Variants in B4GALT6 observed in about 807,000 individuals in gnomAD.
B4GALT6 encodes the protein beta-1,4-galactosyltransferase 6.
Under a neutral mutation model 46.3 loss-of-function variants are expected in B4GALT6, and 14 were observed. The observed-to-expected ratio is 0.30, with a 90% CI of 0.20 to 0.47. The LOEUF (loss-of-function observed/expected upper bound fraction) is 0.47. B4GALT6 is among the 20% of genes least tolerant of loss of function. The pLI is 0.99. For synonymous variants in B4GALT6, 168 were observed against 162.0 expected (o/e 1.04, Z -0.28); for missense variants, 386 against 480.1 (o/e 0.80, Z 1.83).
chr18:31,698,840 G>C, the B4GALT6 span, among the ~76,000 whole-genome samples: 1 of 152,022 alleles, frequency 6.6e-6, no homozygotes, highest in Non-Finnish European at 1.5e-5. Context: ...GGAGGCCAAG[G>C]TGGGTGGATC....
At chr18:31,714,436 T>A in the B4GALT6 span, among the ~76,000 whole-genome samples, 21 of 152,120 alleles carry the variant, frequency 1.4e-4, no homozygotes, top group African/African-American at 5.1e-4. Context: ...TCCCACCTAC[T>A]CCCCTGGGGC....
chr18:31,644,452 T>TG (rs1422028837), intron 4 of B4GALT6, among the ~76,000 whole-genome samples: 4 of 151,172 alleles, frequency 2.6e-5, no homozygotes, highest in Admixed American at 6.6e-5. Context: ...TTTTTGGGGG[T>TG]GGGGGGAGGT....
chr18:31,643,509 G>A (rs936362745), intron 4 of B4GALT6, among the ~76,000 whole-genome samples: 11 of 152,010 alleles, frequency 7.2e-5, no homozygotes, highest in African/African-American at 2.7e-4. Flanking sequence ...ATGTTGGCCA[G>A]GCTGGTCTCA....
intron 3 of B4GALT6, among the ~76,000 whole-genome samples, chr18:31,654,094 A>G (rs1408285319): frequency 6.6e-6 from 1 of 152,254 alleles, no homozygotes; most frequent in Admixed American, 6.5e-5. Context: ...GTTAGCAACT[A>G]TAGAAACTAT....
the B4GALT6 span, among the ~76,000 whole-genome samples, chr18:31,691,596 C>T: frequency 4.6e-5 from 7 of 151,858 alleles, no homozygotes; most frequent in Non-Finnish European, 7.4e-5. Context: ...TATTTCTAGA[C>T]CATTTTCTAT....
intron 1 of B4GALT6, among the ~76,000 whole-genome samples, chr18:31,683,116 C>T (rs2074500075): frequency 6.6e-6 from 1 of 152,212 alleles, no homozygotes; most frequent in African/African-American, 2.4e-5. Context: ...ATACACCTCA[C>T]TGAATCCAAA....
upstream of B4GALT6, among the ~76,000 whole-genome samples, chr18:31,685,340 G>C (rs1307262199): frequency 6.6e-6 from 1 of 151,628 alleles, no homozygotes; most frequent in Non-Finnish European, 1.5e-5. Context: ...CAGAGGCCGA[G>C]CGCCGTCGGA....
chr18:31,635,109 T>C (rs2073841509), intron 5 of B4GALT6, among the ~76,000 whole-genome samples: 1 of 152,128 alleles, frequency 6.6e-6, no homozygotes, highest in African/African-American at 2.4e-5. Context: ...CACATGCCTG[T>C]AATCCCAGTT....
At chr18:31,682,977 G>GT (rs2074498372) in intron 1 of B4GALT6, among the ~76,000 whole-genome samples, 2 of 151,992 alleles carry the variant, frequency 1.3e-5, no homozygotes, top group Non-Finnish European at 2.9e-5. Flanking sequence ...GAGGTTTTTT[G>GT]TTTTTTCTGG....
At chr18:31,635,323 T>C (rs939937873) in intron 5 of B4GALT6, among the ~76,000 whole-genome samples, 2 of 151,198 alleles carry the variant, frequency 1.3e-5, no homozygotes, top group African/African-American at 2.4e-5. Context: ...CAAAGGAAAC[T>C]AGCACTTTCC....
the B4GALT6 span, among the ~76,000 whole-genome samples, chr18:31,710,827 C>CACACACACACACACACACA: frequency 1.2e-4 from 18 of 151,580 alleles, no homozygotes; most frequent in Non-Finnish European, 2.5e-4. Context: ...CACACACACA[C>CACACACACACACACACACA]ACACACACAC....
chr18:31,691,105 A>G, the B4GALT6 span, among the ~76,000 whole-genome samples: 1 of 152,120 alleles, frequency 6.6e-6, no homozygotes, highest in Admixed American at 6.5e-5. Context: ...ATGAATACCT[A>G]TGTATACCTG....
chr18:31,705,591 A>G, the B4GALT6 span, among the ~76,000 whole-genome samples: 1 of 152,270 alleles, frequency 6.6e-6, no homozygotes, highest in East Asian at 1.9e-4. Context: ...GCTTCGCCAC[A>G]TTGGCCAGGC....
At chr18:31,682,976 T>C (rs1465432071) in intron 1 of B4GALT6, among the ~76,000 whole-genome samples, 1 of 152,214 alleles carries the variant, frequency 6.6e-6, no homozygotes, top group Non-Finnish European at 1.5e-5. Flanking sequence ...TGAGGTTTTT[T>C]GTTTTTTCTG....
At position 31,645,392 on chromosome 18, in the gene B4GALT6, C is replaced by T. The variant is rs1278962933; in HGVS notation, c.434G>A (p.Gly145Asp). 6.2e-7 allele frequency: 1 copy of T among 1,613,812 alleles called. No individual in the cohort carries two copies. The highest frequency in any genetic ancestry group is 8.5e-7 in the Non-Finnish European group (1 of 1,179,878). Reference protein sequence around the residue: ...FSKDLDIEPGGHWRPKDCKPR... With the variant: ...FSKDLDIEPGDHWRPKDCKPR... Reference sequence around the variant, plus strand: ...TTTACAGTCTTTTGGCCTCCAATGACCCCCTGGCTCAATATCTAAATCCTT... The same window carrying T: ...TTTACAGTCTTTTGGCCTCCAATGATCCCCTGGCTCAATATCTAAATCCTT... The change falls in exon 4 of 9, where the codon GGT becomes GAT. Residue 145 changes from glycine (G) to aspartate (D), a missense_variant. Gly to Asp is a moderately conservative substitution (Grantham distance 94, BLOSUM62 -1). Transcript: ENST00000306851.
intron 1 of B4GALT6, among the ~76,000 whole-genome samples, chr18:31,669,223 C>A (rs933831803): frequency 1.3e-5 from 2 of 152,146 alleles, no homozygotes; most frequent in African/African-American, 4.8e-5. Flanking sequence ...TAAAGCTGTG[C>A]ATAACTTACG....
At chr18:31,684,202 T>C (rs1161289959) in intron 1 of B4GALT6, 110 bp downstream of exon 1, 1 of 1,524,708 alleles carries the variant, frequency 6.6e-7, no homozygotes, top group Non-Finnish European at 8.8e-7. Context: ...AAAACGCTTT[T>C]CTGCGGGCCC....
chr18:31,712,970 T>C, the B4GALT6 span, among the ~76,000 whole-genome samples: 2 of 152,222 alleles, frequency 1.3e-5, no homozygotes, highest in African/African-American at 4.8e-5. Flanking sequence ...CAGTTTATTT[T>C]TGATGTATTA....
Position 31,658,087 on chromosome 18 carries a change from A to T in B4GALT6, c.235T>A (p.Tyr79Asn). ...NKNSTLNGTD[Y>N]PEGNNSSDYL... ...TCACTTGAATTATTGCCTTCGGGAT[A>T]ATCTTGGAAAGAGAGAAAAGAGTTA... is the stretch of plus-strand genomic sequence containing the variant. The change falls in exon 3 of 9, where the codon TAT becomes AAT. Residue 79 changes from tyrosine (Y) to asparagine (N), a missense_variant and splice_region_variant. Around this residue, in one of 2 missense-constraint regions of B4GALT6, gnomAD observed 323 missense variants for 438.9 expected, o/e 0.74. Transcript: ENST00000306851. 2 of 1,599,622 alleles carry T rather than the reference A, an allele frequency of 1.3e-6. No individual in the cohort carries two copies. Among genetic ancestry groups the T allele is most frequent in the Non-Finnish European group, 1.7e-6 (2 of 1,173,156 alleles).
Sources: allele counts gnomAD v4.1 joint callset (sites outside exome capture counted in the v4.1 genomes callset), GRCh38; gene constraint gnomAD v4.1.1; regional missense constraint gnomAD v4.1.1; transcripts MANE v1.5; gene names NCBI Gene and HGNC (gene_info 2026-07-23, HGNC 2026-07-21).